The following DNAJB6 variants were observed in gnomAD, a reference collection of about 807,000 sequenced individuals.
DNAJB6 encodes the protein dnaJ homolog subfamily B member 6.
A neutral mutation model predicts 42.7 loss-of-function variants in DNAJB6; 16 were observed. The observed-to-expected ratio is 0.37, with a 90% CI of 0.25 to 0.57. The LOEUF is 0.57. DNAJB6 is among the 20% of genes least tolerant of loss of function. DNAJB6 has a pLI of 0.74. For missense variants in DNAJB6, 347 were observed against 416.8 expected, an observed-to-expected ratio of 0.83 and a Z score of 1.46; for synonymous variants, 170 against 163.5, an observed-to-expected ratio of 1.04 and a Z score of -0.30.
At chr7:157,374,058 A>G (rs1395383392) in intron 5 of DNAJB6, among the ~76,000 whole-genome samples, 1 of 152,162 alleles carries the variant, frequency 6.6e-6, no homozygotes, top group Non-Finnish European at 1.5e-5. Flanking sequence ...ACCGTGATGT[A>G]CGAGACTGGT....
At chr7:157,389,108 C>G (rs1317317208) in intron 8 of DNAJB6, among the ~76,000 whole-genome samples, 3 of 152,150 alleles carry the variant, frequency 2.0e-5, no homozygotes, top group Non-Finnish European at 4.4e-5. Flanking sequence ...GTAAATGTTC[C>G]TTACAATGTG....
intron 1 of DNAJB6, among the ~76,000 whole-genome samples, chr7:157,355,327 AT>A (rs1352175958): frequency 6.6e-6 from 1 of 151,988 alleles, no homozygotes; most frequent in Non-Finnish European, 1.5e-5. Context: ...CTCTTGGCTA[AT>A]TTTTTGTATT....
intron 5 of DNAJB6, among the ~76,000 whole-genome samples, chr7:157,377,358 A>G (rs1800525106): frequency 6.6e-6 from 1 of 152,252 alleles, no homozygotes; most frequent in Non-Finnish European, 1.5e-5. Flanking sequence ...CAAGAGTTAA[A>G]TCCTAATGCT....
intron 1 of DNAJB6, among the ~76,000 whole-genome samples, chr7:157,348,790 C>T (rs1246637793): frequency 6.6e-6 from 1 of 152,148 alleles, no homozygotes. Flanking sequence ...CCCTCCCCTC[C>T]CTCTTACTCC....
intron 1 of DNAJB6, among the ~76,000 whole-genome samples, chr7:157,349,545 A>C (rs1429675988): frequency 6.6e-6 from 1 of 151,938 alleles, no homozygotes; most frequent in Non-Finnish European, 1.5e-5. Flanking sequence ...TGCAGTGGTA[A>C]AATCACGGCT....
At chr7:157,344,620 A>T (rs78504322) in intron 1 of DNAJB6, among the ~76,000 whole-genome samples, 2 of 152,026 alleles carry the variant, frequency 1.3e-5, no homozygotes, top group African/African-American at 4.8e-5. Flanking sequence ...TTAAAAAAAA[A>T]TTTATTATTT....
rs570464680 is a variant in DNAJB6, at chr7:157,391,087, T to G, written c.691+5476T>G. 7.2e-5 allele frequency among the ~76,000 whole-genome samples: 11 copies of G among 152,336 alleles called. No individual in the cohort carries two copies. In the South Asian group the frequency reaches 2.3e-3, roughly 32 times the overall value. On this transcript the variant is annotated intron_variant, in intron 8 of 9. Coordinates refer to ENST00000262177, the MANE Select transcript of DNAJB6 (RefSeq NM_058246.4). ...TTGGGCTCGAGCGCATCACTCACTT[T>G]GGCCTCCCAGAGTGCTGGGATCACA...
At position 157,366,529 on chromosome 7, in the gene DNAJB6, A is replaced by G. The variant is rs531186856; in HGVS notation, c.203A>G (p.Tyr68Cys). 9 of 1,614,100 alleles carry G rather than the reference A, an allele frequency of 5.6e-6. No homozygotes were observed. The Admixed American group carries it at 8.3e-5, about 15-fold the overall frequency. Residue 68 changes from tyrosine to cysteine, a missense_variant, in exon 4 of 10, where the codon TAT (tyrosine) becomes TGT (cysteine). By Grantham distance (194) the Tyr-to-Cys change is radical. Coordinates refer to ENST00000262177, the MANE Select transcript of DNAJB6 (RefSeq NM_058246.4). ...DAKKRDIYDK[Y>C]GKEGLNGGGG... ...AAGAAACGGGACATCTATGACAAAT[A>G]TGGCAAAGAAGGATTAAATGGTGGA...
chr7:157,348,254 A>G (rs959071370), intron 1 of DNAJB6, among the ~76,000 whole-genome samples: 3 of 149,550 alleles, frequency 2.0e-5, no homozygotes, highest in Admixed American at 6.7e-5. Context: ...CACCTTGCCC[A>G]GCTAATTTTT....
intron 2 of DNAJB6, among the ~76,000 whole-genome samples, chr7:157,362,074 T>G (rs1385163647): frequency 6.6e-6 from 1 of 152,104 alleles, no homozygotes; most frequent in African/African-American, 2.4e-5. Context: ...CCTTTTTTTT[T>G]GTATTTAAAT....
At chr7:157,381,899 C>T (rs551350829) in intron 5 of DNAJB6, 4 of 163,822 alleles carry the variant, frequency 2.4e-5, no homozygotes, top group Admixed American at 1.3e-4. Flanking sequence ...TTCCAGTGGT[C>T]GTAGCAGGAA....
At chr7:157,381,745 CGTGTGTGTGTGTGTGTGT>C (rs3839841) in intron 5 of DNAJB6, 2 of 148,726 alleles carry the variant, frequency 1.3e-5, no homozygotes, top group African/African-American at 2.5e-5. Flanking sequence ...CACCATTCCT[CGTGTGTGTGTGTGTGTGT>C]GTGTGTGTGT....
intron 8 of DNAJB6, among the ~76,000 whole-genome samples, chr7:157,404,531 T>G (rs1289431705): frequency 7.2e-6 from 1 of 138,686 alleles, no homozygotes; most frequent in Non-Finnish European, 1.5e-5. Context: ...TTTTTTTTGG[T>G]AAGGAGTCTC....
chr7:157,409,698 C>G, intron 8 of DNAJB6, 97 bp from the exon 9 acceptor site: 14 of 1,334,526 alleles, frequency 1.0e-5, no homozygotes, highest in Non-Finnish European at 1.3e-5. Flanking sequence ...CGTCTGGATT[C>G]AGGGAGATCG....
chr7:157,350,240 G>A (rs1459105539), intron 1 of DNAJB6, among the ~76,000 whole-genome samples: 1 of 152,176 alleles, frequency 6.6e-6, no homozygotes, highest in African/African-American at 2.4e-5. Context: ...CGACATTGGA[G>A]CTTGCTCAGA....
At chr7:157,342,322 T>C (rs899142750) in intron 1 of DNAJB6, among the ~76,000 whole-genome samples, 6 of 144,920 alleles carry the variant, frequency 4.1e-5, no homozygotes, top group African/African-American at 1.5e-4. Context: ...CACGTGCCAC[T>C]ATCCTGGCTA....
intron 1 of DNAJB6, among the ~76,000 whole-genome samples, chr7:157,356,211 G>C (rs961409545): frequency 2.6e-5 from 4 of 152,234 alleles, no homozygotes; most frequent in African/African-American, 9.7e-5. Context: ...TTTCTGCTAG[G>C]TACTGCCACT....
At chr7:157,341,754 T>G (rs1406773789) in intron 1 of DNAJB6, among the ~76,000 whole-genome samples, 2 of 152,182 alleles carry the variant, frequency 1.3e-5, no homozygotes, top group Non-Finnish European at 2.9e-5. Context: ...TTGAATTAGA[T>G]TCTTTCTAGT....
intron 1 of DNAJB6, among the ~76,000 whole-genome samples, chr7:157,351,653 AACAACAAC>A (rs1354233588): frequency 8.9e-6 from 1 of 112,484 alleles, no homozygotes; most frequent in African/African-American, 2.8e-5. Flanking sequence ...CAACAACAAC[AACAACAAC>A]AAAAAAAACC....
Sources: gnomAD v4.1 joint callset for allele counts (sites outside exome capture counted in the v4.1 genomes callset) on GRCh38, gnomAD v4.1.1 for gene constraint, MANE v1.5 for transcripts, NCBI Gene and HGNC (gene_info 2026-07-23, HGNC 2026-07-21) for gene names.